Variants in KRTAP10-6 observed in about 807,000 individuals in gnomAD.
KRTAP10-6 encodes keratin associated protein 10-6.
A neutral mutation model predicts 0.5 loss-of-function variants in KRTAP10-6; 1 was observed. The observed-to-expected ratio is 1.92, with a 90% CI of 0.68 to 9.09. The LOEUF is 9.09. KRTAP10-6 is among the 30% of genes most tolerant of loss of function. The pLI is 0.13. For synonymous variants in KRTAP10-6, 136 were observed against 196.5 expected (o/e 0.69, Z 2.58); for missense variants, 337 against 464.2 (o/e 0.73, Z 2.52).
In KRTAP10-6 at chr21:44,592,465, G is replaced by T. The variant is rs782119622; in HGVS notation, c.20C>A (p.Ser7Tyr). The T allele has an allele frequency of 5.0e-6, 8 of 1,611,172 alleles. No homozygotes were observed. Among genetic ancestry groups the T allele is most frequent in the Non-Finnish European group, 6.8e-6 (8 of 1,178,238 alleles). ...GTAGCTCAGGTCGCTGGAGCAGACG[G>T]ACATGGTGGACGCGGCCATGCTGGG... MAASTM[S>Y]VCSSDLSYGS... The change falls in exon 1 of 1, where the codon TCC becomes TAC. Residue 7 changes from serine (S) to tyrosine (Y), a missense_variant. Around this residue, in one of 3 missense-constraint regions of KRTAP10-6, gnomAD observed 32 missense variants for 30.6 expected, o/e 1.04. Coordinates refer to ENST00000400368, the MANE Select transcript of KRTAP10-6 (RefSeq NM_198688.3).
chr21:44,592,296 C>T lies in KRTAP10-6; in HGVS notation c.189G>A (p.Val63=), dbSNP rs368035486. 1.8e-4 allele frequency: 274 copies of T among 1,544,282 alleles called. 4 individuals carry two copies. The African/African-American group carries it at 3.0e-3, about 17-fold the overall frequency. ...AGGTCACTGGGCAGCAGGGGCTGGA[C>T]ACACGGCTCACTGGGGTGCAGACCA... ...LSLVCTPVSR[V]SSPCCPVTCE... Residue 63 remains valine (V), a synonymous_variant, in exon 1 of 1, where the codon GTG becomes GTA. Coordinates refer to ENST00000400368, the MANE Select transcript of KRTAP10-6 (RefSeq NM_198688.3).
rs587763743 is a variant in KRTAP10-6, at chr21:44,591,576, G to A, written c.909C>T (p.Ser303=). 19 of 1,613,058 alleles carry A rather than the reference G, an allele frequency of 1.2e-5. No homozygotes were observed. Among genetic ancestry groups the A allele is most frequent in the Middle Eastern group, 3.3e-4 (2 of 6,036 alleles). Reference sequence around the variant, plus strand: ...ACACAGGGTGGCAGAGGAGGGACACGGAGGAGGAGGATCTGCAGCAGGAGG... The same window carrying A: ...ACACAGGGTGGCAGAGGAGGGACACAGAGGAGGAGGATCTGCAGCAGGAGG... The part of the protein sequence containing the change: ...CTASCCRSSS[S]VSLLCHPVCK... Residue 303 remains serine, a synonymous_variant, in exon 1 of 1, where the codon TCC becomes TCT. Transcript: ENST00000400368.
Position 44,591,457 on chromosome 21 carries a change from A to G in KRTAP10-6, c.1028T>C (p.Leu343Pro). ...GCGGGAGCACATGGGGCGGCAGAGG[A>G]GGGAAACACAGGAGGCCGTGCGGCA... Reference protein sequence around the residue: ...SCCRTASCVSLLCRPMCSRPA... With the variant: ...SCCRTASCVSPLCRPMCSRPA... Residue 343 changes from leucine to proline, a missense_variant, in exon 1 of 1, where the codon CTC (leucine) becomes CCC (proline). By Grantham distance (98) the Leu-to-Pro change is moderately conservative. Coordinates refer to ENST00000400368, the MANE Select transcript of KRTAP10-6 (RefSeq NM_198688.3). The G allele has an allele frequency of 6.2e-7, 1 of 1,614,010 alleles. No homozygotes were observed. The highest frequency in any genetic ancestry group is 8.5e-7 in the Non-Finnish European group (1 of 1,180,004).
At chr21:44,591,731 G>A in the KRTAP10-6 span, 1 of 1,595,862 alleles carries the variant, frequency 6.3e-7, no homozygotes, top group Non-Finnish European at 8.6e-7. Flanking sequence ...CTAGACTGCT[G>A]GCAGCATGAA....
At position 44,592,479 on chromosome 21, in the gene KRTAP10-6, G is replaced by T. The variant is rs73907037; in HGVS notation, c.6C>A (p.Ala2=). ...TGGAGCAGACGGACATGGTGGACGCGGCCATGCTGGGGTTGAACTGGTGGA... is the reference window on the plus strand; with the variant it reads ...TGGAGCAGACGGACATGGTGGACGCTGCCATGCTGGGGTTGAACTGGTGGA... M[A]ASTMSVCSSD... The change falls in exon 1 of 1, where the codon GCC becomes GCA. Residue 2 remains alanine, a synonymous_variant. Coordinates refer to ENST00000400368, the MANE Select transcript of KRTAP10-6 (RefSeq NM_198688.3). 181 of 1,608,480 alleles carry T rather than the reference G, an allele frequency of 1.1e-4. No individual in the cohort carries two copies. Among genetic ancestry groups the T allele is most frequent in the Admixed American group, 7.4e-4 (44 of 59,826 alleles).
In KRTAP10-6 at chr21:44,592,000, T is replaced by A. The variant is rs1601457790; in HGVS notation, c.485A>T (p.Lys162Met). Residue 162 changes from lysine to methionine, a missense_variant, in exon 1 of 1, where the codon AAG (lysine) becomes ATG (methionine). By Grantham distance (95) the Lys-to-Met change is moderately conservative. This residue lies in a region of KRTAP10-6 where 87 missense variants were observed against 208.2 expected (regional missense o/e 0.42). Coordinates refer to ENST00000400368, the MANE Select transcript of KRTAP10-6 (RefSeq NM_198688.3). ...AGAGGAAATCCCAGAGCAGACAGGC[T>A]TGCAGCAGACGGGCACACAGCAGGC... The part of the protein sequence containing the change: ...QQACCVPVCC[K>M]PVCSGISSSC... The A allele has an allele frequency of 1.3e-6, 2 of 1,566,724 alleles. No individual in the cohort carries two copies. The highest frequency in any genetic ancestry group is 1.9e-5 in the Admixed American group (1 of 53,934).
Position 44,591,797 on chromosome 21 carries a change from C to G in KRTAP10-6, c.688G>C (p.Val230Leu). 6.3e-7 allele frequency: 1 copy of G among 1,585,636 alleles called. No individual in the cohort carries two copies. Residue 230 changes from valine to leucine, a missense_variant, in exon 1 of 1, where the codon GTG (valine) becomes CTG (leucine). Physicochemically the swap from Val to Leu is conservative, Grantham distance 32. Transcript: ENST00000400368. ...TSSPCQQACC[V>L]PVCCVPVCCV... is the part of the protein sequence containing the mutation. ...CACACAGGCACGCAGCAGACGGGCACGCAGCAGGCCTGCTGGCAGGGGGAG... is the reference window on the plus strand; with the variant it reads ...CACACAGGCACGCAGCAGACGGGCAGGCAGCAGGCCTGCTGGCAGGGGGAG...
In KRTAP10-6 at chr21:44,591,641, A is replaced by G. The variant is rs367768609; in HGVS notation, c.844T>C (p.Cys282Arg). The change falls in exon 1 of 1, where the codon TGC becomes CGC. Residue 282 changes from cysteine (C) to arginine (R), a missense_variant. Around this residue, in one of 3 missense-constraint regions of KRTAP10-6, gnomAD observed 218 missense variants for 225.3 expected, o/e 0.97. Coordinates refer to ENST00000400368, the MANE Select transcript of KRTAP10-6 (RefSeq NM_198688.3). Reference sequence around the variant, plus strand: ...GGCTGGCAGCTAGACTGCTGGCAGCATGATGTGGAAGCCCCAGAGCAGACG... The same window carrying G: ...GGCTGGCAGCTAGACTGCTGGCAGCGTGATGTGGAAGCCCCAGAGCAGACG... ...VPVCSGASTS[C>R]CQQSSCQPAC... is the part of the protein sequence containing the mutation. 16 of 1,613,832 alleles carry G rather than the reference A, an allele frequency of 9.9e-6. No individual in the cohort carries two copies. The highest frequency in any genetic ancestry group is 1.3e-5 in the Non-Finnish European group (15 of 1,179,828).
rs233303 is a variant in KRTAP10-6, at chr21:44,591,702, G to A, written c.783C>T (p.Cys261=). The A allele has an allele frequency of 8.1e-6, 13 of 1,612,054 alleles. No individual in the cohort carries two copies. The African/African-American group carries it at 9.4e-5, about 12-fold the overall frequency. ...CQQSSCQPAC[C]TSSPCQHACC... is the part of the protein sequence containing the mutation. ...AGGCGTGCTGGCAGGGGGAGGAGGT[G>A]CAGCAAGCTGGCTGGCAGCTAGACT... Residue 261 remains cysteine (C), a synonymous_variant, in exon 1 of 1, where the codon TGC becomes TGT. Coordinates refer to ENST00000400368, the MANE Select transcript of KRTAP10-6 (RefSeq NM_198688.3).
chr21:44,591,842 G>T lies in KRTAP10-6; in HGVS notation c.643C>A (p.Gln215Lys), dbSNP rs1555926673. 3 of 1,608,270 alleles carry T rather than the reference G, an allele frequency of 1.9e-6. No individual in the cohort carries two copies. The highest frequency in any genetic ancestry group is 2.5e-6 in the Non-Finnish European group (3 of 1,179,050). The change falls in exon 1 of 1, where the codon CAG (glutamine) becomes AAG (lysine). Residue 215 changes from glutamine to lysine, a missense_variant. Gln to Lys is a moderately conservative substitution (Grantham distance 53, BLOSUM62 1). Around this residue, in one of 3 missense-constraint regions of KRTAP10-6, gnomAD observed 218 missense variants for 225.3 expected, o/e 0.97. Coordinates refer to ENST00000400368, the MANE Select transcript of KRTAP10-6 (RefSeq NM_198688.3). ...GGGGAGGAGGTGCAGCAAGTTGGCTGGCAGCTAGACTGCTGGCAGCATGAG... is the reference window on the plus strand; with the variant it reads ...GGGGAGGAGGTGCAGCAAGTTGGCTTGCAGCTAGACTGCTGGCAGCATGAG... ...TPSCCQQSSC[Q>K]PTCCTSSPCQ...
rs782410203 is a variant in KRTAP10-6 at position 44,592,123 on chromosome 21, T to C, written c.362A>G (p.Lys121Arg). ...VPVCCKTVCC[K>R]PVCCVSVCCG... is the part of the protein sequence containing the mutation. ...GCAGACGGACACACAGCACACAGGC[T>C]TGCAGCAGACAGTCTTGCAGCAGAC... The change falls in exon 1 of 1, where the codon AAG becomes AGG. Residue 121 changes from lysine (K) to arginine (R), a missense_variant. Transcript: ENST00000400368. The C allele has an allele frequency of 2.1e-6, 3 of 1,440,728 alleles. 1 individual carries two copies. The highest frequency in any genetic ancestry group is 2.5e-5 in the South Asian group (2 of 80,200). 89.2% of individuals were successfully genotyped at this position (1,440,728 alleles called of 1,614,324 possible).
chr21:44,591,303 C>T lies in KRTAP10-6; in HGVS notation c.*84G>A. On this transcript the variant is annotated 3_prime_UTR_variant, in exon 1 of 1. Transcript: ENST00000400368. ...AGCCTGCCCCATCTTCTGAGGGTGTCAAAGCCAGAGAGGGCAGAGCTTGCT... is the reference window on the plus strand; with the variant it reads ...AGCCTGCCCCATCTTCTGAGGGTGTTAAAGCCAGAGAGGGCAGAGCTTGCT... 2 of 1,510,158 alleles carry T rather than the reference C, an allele frequency of 1.3e-6. No individual in the cohort carries two copies. The highest frequency in any genetic ancestry group is 2.6e-5 in the South Asian group (2 of 76,086). 93.5% of individuals were successfully genotyped at this position (1,510,158 alleles called of 1,614,324 possible). A position where few individuals can be genotyped will look rare whatever the true frequency, so the allele number is the denominator to read the frequency against.
chr21:44,591,831 G>T, the KRTAP10-6 span: 1 of 1,598,580 alleles, frequency 6.3e-7, no homozygotes, highest in East Asian at 2.3e-5. Flanking sequence ...AGGAGGTGCA[G>T]CAAGTTGGCT....
Position 44,591,782 on chromosome 21 carries a change from C to G in KRTAP10-6, c.703G>C (p.Val235Leu). Residue 235 changes from valine to leucine, a missense_variant, in exon 1 of 1, where the codon GTG becomes CTG. Physicochemically the swap from Val to Leu is conservative, Grantham distance 32. Around this residue, in one of 3 missense-constraint regions of KRTAP10-6, gnomAD observed 218 missense variants for 225.3 expected, o/e 0.97. Coordinates refer to ENST00000400368, the MANE Select transcript of KRTAP10-6 (RefSeq NM_198688.3). The stretch of plus-strand genomic sequence containing the variant: ...CAGGTGGGCACACAGCACACAGGCA[C>G]GCAGCAGACGGGCACGCAGCAGGCC... ...QQACCVPVCC[V>L]PVCCVPTCSE... 3 of 1,579,210 alleles carry G rather than the reference C, an allele frequency of 1.9e-6. No homozygotes were observed. The Middle Eastern group carries it at 5.1e-4, about 269-fold the overall frequency.
In KRTAP10-6 at chr21:44,591,666, G is replaced by A. The variant is rs782133637; in HGVS notation, c.819C>T (p.Pro273=). Residue 273 remains proline, a synonymous_variant, in exon 1 of 1, where the codon CCC becomes CCT. Transcript: ENST00000400368. ...SSPCQHACCV[P]VCSGASTSCC... ...ATGATGTGGAAGCCCCAGAGCAGAC[G>A]GGCACACAGCAGGCGTGCTGGCAGG... The A allele has an allele frequency of 1.1e-4, 167 of 1,585,800 alleles. No individual in the cohort carries two copies. Among genetic ancestry groups the A allele is most frequent in the East Asian group, 8.7e-4 (38 of 43,726 alleles).
rs782017284 is a variant in KRTAP10-6, at chr21:44,591,750, C to G, written c.735G>C (p.Glu245Asp). The G allele has an allele frequency of 1.3e-6, 2 of 1,589,698 alleles. No individual in the cohort carries two copies. Among genetic ancestry groups the G allele is most frequent in the East Asian group, 2.3e-5 (1 of 43,576 alleles). The change falls in exon 1 of 1, where the codon GAG becomes GAC. Residue 245 changes from glutamate to aspartate, a missense_variant. Physicochemically the swap from Glu to Asp is conservative, Grantham distance 45. This residue lies in a region of KRTAP10-6 where 218 missense variants were observed against 225.3 expected (regional missense o/e 0.97). Transcript: ENST00000400368. ...VPVCCVPTCS[E>D]DSSSCCQQSS... ...ACTGCTGGCAGCATGAAGAGGAATCCTCAGAGCAGGTGGGCACACAGCACA... is the reference window on the plus strand; with the variant it reads ...ACTGCTGGCAGCATGAAGAGGAATCGTCAGAGCAGGTGGGCACACAGCACA...
Position 44,591,679 on chromosome 21 carries a change from G to T in KRTAP10-6, c.806C>A (p.Ala269Asp), listed in dbSNP as rs781834191. The T allele has an allele frequency of 1.3e-6, 2 of 1,579,410 alleles. No homozygotes were observed. Among genetic ancestry groups the T allele is most frequent in the Non-Finnish European group, 1.7e-6 (2 of 1,155,702 alleles). Residue 269 changes from alanine (A) to aspartate (D), a missense_variant, in exon 1 of 1, where the codon GCC becomes GAC. Transcript: ENST00000400368. The part of the protein sequence containing the change: ...ACCTSSPCQH[A>D]CCVPVCSGAS... ...CCCAGAGCAGACGGGCACACAGCAGGCGTGCTGGCAGGGGGAGGAGGTGCA... is the reference window on the plus strand; with the variant it reads ...CCCAGAGCAGACGGGCACACAGCAGTCGTGCTGGCAGGGGGAGGAGGTGCA...
At position 44,592,026 on chromosome 21, in the gene KRTAP10-6, C is replaced by A; in HGVS notation, c.459G>T (p.Gln153His). The A allele has an allele frequency of 6.3e-7, 1 of 1,590,294 alleles. No individual in the cohort carries two copies. The highest frequency in any genetic ancestry group is 8.6e-7 in the Non-Finnish European group (1 of 1,168,724). ...SACCTSSPCQ[Q>H]ACCVPVCCKP... ...TGCAGCAGACGGGCACACAGCAGGC[C>A]TGCTGGCAGGGGGAGGAGGTGCAGC... The change falls in exon 1 of 1, where the codon CAG becomes CAT. Residue 153 changes from glutamine to histidine, a missense_variant. Gln to His is a conservative substitution (Grantham distance 24, BLOSUM62 0). Transcript: ENST00000400368.
At position 44,591,911 on chromosome 21, in the gene KRTAP10-6, C is replaced by T. The variant is rs587631268; in HGVS notation, c.574G>A (p.Glu192Lys). 11 of 1,605,294 alleles carry T rather than the reference C, an allele frequency of 6.9e-6. No individual in the cohort carries two copies. In the East Asian group the frequency reaches 2.0e-4, roughly 30 times the overall value. ...VSSPCCQAVC[E>K]PSPCQSGCTS... ...CAGCCTGATTGGCAGGGGCTGGGCT[C>T]ACAGACCGCCTGGCAGCAGGGGCTG... Residue 192 changes from glutamate (E) to lysine (K), a missense_variant, in exon 1 of 1, where the codon GAG (glutamate) becomes AAG (lysine). Physicochemically the swap from Glu to Lys is moderately conservative, Grantham distance 56 (BLOSUM62 1). Transcript: ENST00000400368.
Sources: allele counts gnomAD v4.1 joint callset, GRCh38; gene constraint gnomAD v4.1.1; regional missense constraint gnomAD v4.1.1; transcripts MANE v1.5; gene names NCBI Gene and HGNC (gene_info 2026-07-23, HGNC 2026-07-21).